GALNT5: variants seen among roughly 807,000 people sequenced by gnomAD.
GALNT5 encodes polypeptide N-acetylgalactosaminyltransferase 5.
In GALNT5, 72 loss-of-function variants were observed where a neutral mutation model predicts 85.4. That is an observed-to-expected ratio of 0.84 (90% CI 0.70 to 1.03). The LOEUF (loss-of-function observed/expected upper bound fraction) is 1.03, where lower values mean the gene tolerates loss of function less well. Among genes scored for constraint, GALNT5 ranks in the 50% least tolerant of loss-of-function variants. GALNT5 has a pLI of 0.00. For synonymous variants in GALNT5, 404 were observed against 397.0 expected (o/e 1.02, Z -0.21); for missense variants, 1,137 against 1,135.5 (o/e 1.00, Z -0.02).
intron 3 of GALNT5, among the ~76,000 whole-genome samples, chr2:157,287,977 A>C (rs928715858): frequency 6.6e-6 from 1 of 152,146 alleles, no homozygotes; most frequent in Non-Finnish European, 1.5e-5. Flanking sequence ...TGCCTTATGC[A>C]AGCTCCCCCA....
rs1357685996 is a variant in GALNT5, at chr2:157,311,635, C to T, written c.*287C>T. Reference sequence around the variant, plus strand: ...TTTCCCTGTGAAAGCTAACAGGTAACTGGAAATGAAGACAGAAGGACTTGA... The same window carrying T: ...TTTCCCTGTGAAAGCTAACAGGTAATTGGAAATGAAGACAGAAGGACTTGA... On this transcript the variant is annotated 3_prime_UTR_variant, in exon 10 of 10. Coordinates refer to ENST00000259056, the MANE Select transcript of GALNT5 (RefSeq NM_014568.3). 1 of 232,624 alleles carries T rather than the reference C, an allele frequency of 4.3e-6. No individual in the cohort carries two copies. The highest frequency in any genetic ancestry group is 8.2e-6 in the Non-Finnish European group (1 of 121,612). 14.4% of individuals were successfully genotyped at this position (232,624 alleles called of 1,614,324 possible). A position where few individuals can be genotyped will look rare whatever the true frequency, so the allele number is the denominator to read the frequency against.
chr2:157,286,216 A>G, intron 3 of GALNT5, 82 bp downstream of exon 3: 1 of 1,182,214 alleles, frequency 8.5e-7, no homozygotes, highest in Non-Finnish European at 1.2e-6. Flanking sequence ...AATGTGAAAG[A>G]CCAGCACAAT....
At chr2:157,308,507 G>T in intron 8 of GALNT5, 60 bp from the exon 9 acceptor site, 5 of 1,333,946 alleles carry the variant, frequency 3.7e-6, no homozygotes, top group South Asian at 2.8e-5. Flanking sequence ...AAAAATGTTT[G>T]ACAAAGCCCC....
rs4664223 is a variant in GALNT5, at chr2:157,290,668, C to A, written c.1741+4534C>A. Among the ~76,000 whole-genome samples, 8 of 151,994 alleles carry A rather than the reference C, an allele frequency of 5.3e-5. No homozygotes were observed. In the East Asian group the frequency reaches 7.8e-4, roughly 15 times the overall value. On this transcript the variant is annotated intron_variant, in intron 3 of 9. Coordinates refer to ENST00000259056, the MANE Select transcript of GALNT5 (RefSeq NM_014568.3). ...GAATCTGAGTCCAGAATCTGACAGG[C>A]CTTGATGCTACTGTTCCCTAAAATT...
rs752035135 is a variant in GALNT5, at chr2:157,299,684, C to A, written c.2115+19C>A. The A allele has an allele frequency of 3.0e-6, 4 of 1,322,174 alleles. No homozygotes were observed. The East Asian group carries it at 9.2e-5, about 30-fold the overall frequency. The allele number at this position is 1,322,174 out of a possible 1,614,324, so 81.9% of individuals were successfully genotyped here. A position where few individuals can be genotyped will look rare whatever the true frequency, so the allele number is the denominator to read the frequency against. ...ATTCAAGGTATTACCAGGTGTTTCC[C>A]AACTTTTCTTTACGATAATGAGTTA... On this transcript the variant is annotated intron_variant, in intron 6 of 9. Coordinates refer to ENST00000259056, the MANE Select transcript of GALNT5 (RefSeq NM_014568.3).
chr2:157,309,689 A>G (rs1304058444), intron 9 of GALNT5, among the ~76,000 whole-genome samples: 1 of 152,168 alleles, frequency 6.6e-6, no homozygotes, highest in African/African-American at 2.4e-5. Context: ...CACAATGACT[A>G]TTCTTTTCTC....
intron 8 of GALNT5, 59 bp downstream of exon 8, chr2:157,305,888 A>G (rs1467626970): frequency 2.3e-5 from 20 of 882,184 alleles, no homozygotes; most frequent in African/African-American, 3.4e-5. Context: ...TGACACATTC[A>G]TTGCTCAACT....
intron 6 of GALNT5, 50 bp from the exon 7 acceptor site, chr2:157,300,626 A>T: frequency 7.0e-7 from 1 of 1,420,960 alleles, no homozygotes. Context: ...AGTGCCGATG[A>T]TTTGTGGATA....
At chr2:157,264,768 G>C (rs1682422890) in intron 1 of GALNT5, among the ~76,000 whole-genome samples, 1 of 152,158 alleles carries the variant, frequency 6.6e-6, no homozygotes, top group Admixed American at 6.5e-5. Flanking sequence ...AGGGGGAGGA[G>C]ACAGAAGAGA....
intron 1 of GALNT5, among the ~76,000 whole-genome samples, chr2:157,269,554 A>T (rs1682535696): frequency 6.6e-6 from 1 of 152,206 alleles, no homozygotes. Flanking sequence ...GGATATTAGC[A>T]TCTAGTGGAA....
intron 1 of GALNT5, among the ~76,000 whole-genome samples, chr2:157,268,379 A>C (rs544941314): frequency 9.8e-5 from 15 of 152,314 alleles, no homozygotes; most frequent in African/African-American, 3.6e-4. Context: ...TTCAGATTAA[A>C]GGACTGCTTC....
intron 5 of GALNT5, 37 bp from the exon 6 acceptor site, chr2:157,299,511 A>C: frequency 8.3e-7 from 1 of 1,202,294 alleles, no homozygotes; most frequent in Admixed American, 1.7e-5. Context: ...AGCTTTCATG[A>C]GATGCAAGTT....
intron 2 of GALNT5, 151 bp from the exon 3 acceptor site, chr2:157,285,864 A>T: frequency 3.4e-6 from 2 of 593,808 alleles, no homozygotes; most frequent in South Asian, 2.3e-5. Context: ...CAAGAAAATG[A>T]CATCAGAAAA....
At position 157,314,804 on chromosome 2, in the gene GALNT5, G is replaced by A. The variant is rs1466949984; in HGVS notation, c.*3456G>A. 6.6e-6 allele frequency among the ~76,000 whole-genome samples: 1 copy of A among 152,112 alleles called. No individual in the cohort carries two copies. The highest frequency in any genetic ancestry group is 1.5e-5 in the Non-Finnish European group (1 of 68,030). On this transcript the variant is annotated 3_prime_UTR_variant, in exon 10 of 10. Transcript: ENST00000259056. ...ACAAGAAAAAAAATTTACCAACCAG[G>A]CGCAGTGGCTCACACCTGTAATCCT...
rs146628281 is a variant in GALNT5 at position 157,307,843 on chromosome 2, C to A, written c.2521-724C>A. Among the ~76,000 whole-genome samples the A allele has an allele frequency of 2.1e-3, 322 of 152,058 alleles. 4 individuals carry two copies. Among genetic ancestry groups the A allele is most frequent in the African/African-American group, 7.0e-3 (290 of 41,470 alleles). ...ACCCAGAGCATTAGAGTAAATTGAC[C>A]GGGTAGACAATAGTAGGTTGTAAAC... On this transcript the variant is annotated intron_variant, in intron 8 of 9. Coordinates refer to ENST00000259056, the MANE Select transcript of GALNT5 (RefSeq NM_014568.3).
intron 8 of GALNT5, among the ~76,000 whole-genome samples, chr2:157,306,217 T>C (rs761983880): frequency 2.6e-5 from 4 of 152,200 alleles, no homozygotes; most frequent in Non-Finnish European, 5.9e-5. Flanking sequence ...ATGTTTGCTG[T>C]AATAATAATA....
At chr2:157,262,915 C>T (rs892607990) in intron 1 of GALNT5, among the ~76,000 whole-genome samples, 1 of 148,338 alleles carries the variant, frequency 6.7e-6, no homozygotes, top group African/African-American at 2.6e-5. Flanking sequence ...GCAAACTCCG[C>T]CTCCGGGGTT....
chr2:157,286,924 G>GTGTGTGTA (rs1553462790), intron 3 of GALNT5, among the ~76,000 whole-genome samples: 30 of 151,312 alleles, frequency 2.0e-4, no homozygotes, highest in Middle Eastern at 6.8e-3. Context: ...GTGTGTGTGT[G>GTGTGTGTA]TGTGTGTGTG....
At position 157,311,485 on chromosome 2, in the gene GALNT5, C is replaced by A. The variant is rs1683569178; in HGVS notation, c.*137C>A. ...TGAATGGAAGATTTTTTATAAATCA[C>A]AATATTTGGAATACCAAAAGATGAC... On this transcript the variant is annotated 3_prime_UTR_variant, in exon 10 of 10. Transcript: ENST00000259056. 1.6e-6 allele frequency: 1 copy of A among 611,694 alleles called. No individual in the cohort carries two copies. The highest frequency in any genetic ancestry group is 2.7e-6 in the Non-Finnish European group (1 of 369,548). 37.9% of individuals were successfully genotyped at this position (611,694 alleles called of 1,614,324 possible).
Sources: allele counts gnomAD v4.1 joint callset (sites outside exome capture counted in the v4.1 genomes callset), GRCh38; gene constraint gnomAD v4.1.1; transcripts MANE v1.5; gene names NCBI Gene and HGNC (gene_info 2026-07-23, HGNC 2026-07-21).